Variants in ZNF691 observed in about 807,000 individuals in gnomAD.
ZNF691 encodes zinc finger protein 691.
Under a neutral mutation model 24.1 loss-of-function variants are expected in ZNF691, and 11 were observed. The observed-to-expected ratio is 0.46, with a 90% CI of 0.29 to 0.75. The LOEUF (loss-of-function observed/expected upper bound fraction) is 0.75. Among genes scored for constraint, ZNF691 ranks in the 30% least tolerant of loss-of-function variants. The pLI, the probability that ZNF691 is intolerant of heterozygous loss-of-function variation, is 0.11. For missense variants in ZNF691, 356 were observed against 409.0 expected, an observed-to-expected ratio of 0.87 and a Z score of 1.12; for synonymous variants, 149 against 153.9, an observed-to-expected ratio of 0.97 and a Z score of 0.23.
At chr1:42,850,434 A>G (rs558277928) in intron 3 of ZNF691, 1 of 985,380 alleles carries the variant, frequency 1.0e-6, no homozygotes, top group South Asian at 4.7e-5. Flanking sequence ...AGAAAAGCCA[A>G]AGCTGGGCCT....
At position 42,851,717 on chromosome 1, in the gene ZNF691, G is replaced by T; in HGVS notation, c.852G>T (p.Arg284=). 6.2e-7 allele frequency: 1 copy of T among 1,614,228 alleles called. No individual in the cohort carries two copies. The highest frequency in any genetic ancestry group is 8.5e-7 in the Non-Finnish European group (1 of 1,180,048). The change falls in exon 4 of 4, where the codon CGG becomes CGT. Residue 284 remains arginine, a synonymous_variant. Coordinates refer to ENST00000651192, the MANE Select transcript of ZNF691 (RefSeq NM_001242739.2). The surrounding 1 kb of genome is among the most constrained non-coding windows in gnomAD (Gnocchi z 4.7). ...QRTHRGEKPY[R]CTVCGKHFSR... ...CCCACAGAGGGGAGAAGCCCTACCG[G>T]TGCACTGTGTGTGGGAAACACTTCT...
At chr1:42,849,531 AC>A (rs1655322873) in intron 2 of ZNF691, 33 bp from the exon 3 acceptor site, 1 of 761,566 alleles carries the variant, frequency 1.3e-6, no homozygotes. Flanking sequence ...TGTAGTCAGT[AC>A]CCCTTTCTTT....
rs1412452331 is a variant in ZNF691, at chr1:42,851,014, G to C, written c.149G>C (p.Gly50Ala). 2.6e-6 allele frequency: 4 copies of C among 1,554,614 alleles called. No homozygotes were observed. Among genetic ancestry groups the C allele is most frequent in the African/African-American group, 1.4e-5 (1 of 72,944 alleles). The change falls in exon 4 of 4, where the codon GGG becomes GCG. Residue 50 changes from glycine to alanine, a missense_variant. Coordinates refer to ENST00000651192, the MANE Select transcript of ZNF691 (RefSeq NM_001242739.2). This position sits in a 1 kb window ranked among gnomAD's most constrained non-coding sequence, Gnocchi z 4.7. ...CCACACCTGCCTGAGGAAGGGGAAG[G>C]GGGTAAGCCTTGGAGAGTGGATGAC... Reference protein sequence around the residue: ...PEPHLPEEGEGGKPWRVDDSE... With the variant: ...PEPHLPEEGEAGKPWRVDDSE...
Position 42,851,336 on chromosome 1 carries a change from C to G in ZNF691, c.471C>G (p.Asn157Lys). The change falls in exon 4 of 4, where the codon AAC becomes AAG. Residue 157 changes from asparagine to lysine, a missense_variant. Coordinates refer to ENST00000651192, the MANE Select transcript of ZNF691 (RefSeq NM_001242739.2). This position sits in a 1 kb window ranked among gnomAD's most constrained non-coding sequence, Gnocchi z 4.7. ...GCAAGAGCTTCTCGAGAAGCTCCAA[C>G]CGCATCCGGCACGAGCGGATCCACC... ...ECGKSFSRSS[N>K]RIRHERIHLE... 6.2e-7 allele frequency: 1 copy of G among 1,613,990 alleles called. No homozygotes were observed. Among genetic ancestry groups the G allele is most frequent in the Non-Finnish European group, 8.5e-7 (1 of 1,180,000 alleles).
intron 3 of ZNF691, 124 bp downstream of exon 3, chr1:42,849,866 T>C: frequency 1.2e-6 from 1 of 813,202 alleles, no homozygotes; most frequent in South Asian, 1.5e-5. Context: ...CTTATGTGTT[T>C]AGTTTTGGGG....
rs182284156 is a variant in ZNF691 at position 42,849,196 on chromosome 1, T to C, written c.-217-95T>C. ...TTGAGGTTCTGTCTGTATTTCACAT[T>C]TTAGAAGGTTATATACAGTTTTATG... is the stretch of plus-strand genomic sequence containing the variant. On this transcript the variant is annotated intron_variant, in intron 1 of 3. Coordinates refer to ENST00000651192, the MANE Select transcript of ZNF691 (RefSeq NM_001242739.2). 98 of 318,278 alleles carry C rather than the reference T, an allele frequency of 3.1e-4. 1 individual carries two copies. The highest frequency in any genetic ancestry group is 1.9e-3 in the African/African-American group (88 of 46,112). 19.7% of individuals were successfully genotyped at this position (318,278 alleles called of 1,614,324 possible).
chr1:42,852,124 C>A lies in ZNF691; in HGVS notation c.*311C>A, dbSNP rs545993812. 56 of 466,022 alleles carry A rather than the reference C, an allele frequency of 1.2e-4. No homozygotes were observed. The Admixed American group carries it at 1.7e-3, about 14-fold the overall frequency. The allele number at this position is 466,022 out of a possible 1,614,324, so 28.9% of individuals were successfully genotyped here. A position where few individuals can be genotyped will look rare whatever the true frequency, so the allele number is the denominator to read the frequency against. ...ATGCTCATGTTATTAAGGCAGCAGT[C>A]CCCCTGGCCTTTGAGGAAGTACTTA... is the stretch of plus-strand genomic sequence containing the variant. On this transcript the variant is annotated 3_prime_UTR_variant, in exon 4 of 4. Coordinates refer to ENST00000651192, the MANE Select transcript of ZNF691 (RefSeq NM_001242739.2).
Position 42,851,898 on chromosome 1 carries a change from C to G in ZNF691, c.*85C>G. The G allele has an allele frequency of 6.4e-7, 1 of 1,571,200 alleles. No individual in the cohort carries two copies. Among genetic ancestry groups the G allele is most frequent in the Non-Finnish European group, 8.7e-7 (1 of 1,155,816 alleles). ...GATCTTCAGCATCTTTTGCTGCTAC[C>G]TTGACCTCAAGCCCTTCATCCCACT... On this transcript the variant is annotated 3_prime_UTR_variant, in exon 4 of 4. Transcript: ENST00000651192. This position sits in a 1 kb window ranked among gnomAD's most constrained non-coding sequence, Gnocchi z 4.7.
At position 42,851,073 on chromosome 1, in the gene ZNF691, G is replaced by C. The variant is rs1286789913; in HGVS notation, c.208G>C (p.Glu70Gln). 6.2e-7 allele frequency: 1 copy of C among 1,606,336 alleles called. No homozygotes were observed. The highest frequency in any genetic ancestry group is 1.1e-5 in the South Asian group (1 of 89,950). The stretch of plus-strand genomic sequence containing the variant: ...TTCTTGGATCCCACCTGGGGAGAAG[G>C]AGCATGGGCAAGAGAGCCTGTCGGA... The part of the protein sequence containing the change: ...EGSWIPPGEK[E>Q]HGQESLSDEL... The change falls in exon 4 of 4, where the codon GAG (glutamate) becomes CAG (glutamine). Residue 70 changes from glutamate (E) to glutamine (Q), a missense_variant. Coordinates refer to ENST00000651192, the MANE Select transcript of ZNF691 (RefSeq NM_001242739.2). The surrounding 1 kb of genome is among the most constrained non-coding windows in gnomAD (Gnocchi z 4.7).
chr1:42,849,998 T>G (rs564870745), intron 3 of ZNF691, among the ~76,000 whole-genome samples: 2 of 151,638 alleles, frequency 1.3e-5, no homozygotes, highest in Non-Finnish European at 2.9e-5. Context: ...TATGTAGCTA[T>G]ATATGTGTGT....
rs1209799996 is a variant in ZNF691, at chr1:42,852,286, CCTT to C, written c.*476_*478del. ...TAGATCTCTGGGGTGGGAGGAGTGACCTTCTCAATGGAAGGGGCCTCCTTGGTC... is the reference window on the plus strand; with the variant it reads ...TAGATCTCTGGGGTGGGAGGAGTGACCTCAATGGAAGGGGCCTCCTTGGTC... On this transcript the variant is annotated 3_prime_UTR_variant, in exon 4 of 4. Coordinates refer to ENST00000651192, the MANE Select transcript of ZNF691 (RefSeq NM_001242739.2). 2.3e-5 allele frequency: 6 copies of C among 263,344 alleles called. No homozygotes were observed. The East Asian group carries it at 6.2e-4, about 27-fold the overall frequency. The allele number at this position is 263,344 out of a possible 1,614,324, so 16.3% of individuals were successfully genotyped here. A position where few individuals can be genotyped will look rare whatever the true frequency, so the allele number is the denominator to read the frequency against.
chr1:42,850,669 A>C, intron 3 of ZNF691: 2 of 1,550,538 alleles, frequency 1.3e-6, no homozygotes, highest in Non-Finnish European at 1.7e-6. Flanking sequence ...TGGTTTCAAG[A>C]AGAGTGACAT....
At chr1:42,849,132 T>C (rs1655312227) in intron 1 of ZNF691, among the ~76,000 whole-genome samples, 159 bp from the exon 2 acceptor site, 1 of 152,210 alleles carries the variant, frequency 6.6e-6, no homozygotes, top group Admixed American at 6.5e-5. Flanking sequence ...TATCTGGCCC[T>C]TTACAGAAAA....
In ZNF691 at chr1:42,851,794, C is replaced by G; in HGVS notation, c.929C>G (p.Ala310Gly). The change falls in exon 4 of 4, where the codon GCT (alanine) becomes GGT (glycine). Residue 310 changes from alanine to glycine, a missense_variant. Coordinates refer to ENST00000651192, the MANE Select transcript of ZNF691 (RefSeq NM_001242739.2). The surrounding 1 kb of genome is among the most constrained non-coding windows in gnomAD (Gnocchi z 4.7). ...RHQKTHLGEQAGKDSS is the reference protein window; with the variant it reads ...RHQKTHLGEQGGKDSS Reference sequence around the variant, plus strand: ...CAGAAAACTCACTTGGGCGAACAGGCTGGGAAAGATTCCAGCTGAAGGAGA... The same window carrying G: ...CAGAAAACTCACTTGGGCGAACAGGGTGGGAAAGATTCCAGCTGAAGGAGA... The G allele has an allele frequency of 6.2e-7, 1 of 1,614,052 alleles. No individual in the cohort carries two copies. The highest frequency in any genetic ancestry group is 8.5e-7 in the Non-Finnish European group (1 of 1,179,910).
chr1:42,851,875 T>A lies in ZNF691; in HGVS notation c.*62T>A. 1 of 1,600,242 alleles carries A rather than the reference T, an allele frequency of 6.2e-7. No individual in the cohort carries two copies. The highest frequency in any genetic ancestry group is 2.3e-5 in the East Asian group (1 of 44,274). On this transcript the variant is annotated 3_prime_UTR_variant, in exon 4 of 4. Transcript: ENST00000651192. The surrounding 1 kb of genome is among the most constrained non-coding windows in gnomAD (Gnocchi z 4.7). ...GAGACCCTAACCTATTGGAGGAAGATCTTCAGCATCTTTTGCTGCTACCTT... is the reference window on the plus strand; with the variant it reads ...GAGACCCTAACCTATTGGAGGAAGAACTTCAGCATCTTTTGCTGCTACCTT...
chr1:42,851,406 C>T lies in ZNF691; in HGVS notation c.541C>T (p.Arg181Trp), dbSNP rs370853653. The T allele has an allele frequency of 1.4e-5, 22 of 1,614,142 alleles. No individual in the cohort carries two copies. The highest frequency in any genetic ancestry group is 2.2e-5 in the East Asian group (1 of 44,878). Residue 181 changes from arginine to tryptophan, a missense_variant, in exon 4 of 4, where the codon CGG becomes TGG. By Grantham distance (101) the Arg-to-Trp change is moderately radical. Transcript: ENST00000651192. The surrounding 1 kb of genome is among the most constrained non-coding windows in gnomAD (Gnocchi z 4.7). ...ATGCCCCAAGTGCCAGGAGAGCTTTCGGCGGCGCTCAGACCTCACCACGCA... is the reference window on the plus strand; with the variant it reads ...ATGCCCCAAGTGCCAGGAGAGCTTTTGGCGGCGCTCAGACCTCACCACGCA... ...YKCPKCQESF[R>W]RRSDLTTHQQ...
chr1:42,849,788 C>T (rs1177007270), intron 3 of ZNF691, 46 bp downstream of exon 3: 1 of 1,470,834 alleles, frequency 6.8e-7, no homozygotes, highest in Non-Finnish European at 9.3e-7. Flanking sequence ...TGTAGGAACC[C>T]AAAGGAGTCT....
intron 3 of ZNF691, chr1:42,850,412 G>A: frequency 1.0e-6 from 1 of 985,340 alleles, no homozygotes; most frequent in Non-Finnish European, 1.2e-6. Context: ...GGGTAGAGTG[G>A]CAGAAATCTC....
chr1:42,852,251 A>C lies in ZNF691; in HGVS notation c.*438A>C, dbSNP rs1054113707. 1 of 300,290 alleles carries C rather than the reference A, an allele frequency of 3.3e-6. No individual in the cohort carries two copies. Among genetic ancestry groups the C allele is most frequent in the South Asian group, 3.4e-5 (1 of 29,068 alleles). 18.6% of individuals were successfully genotyped at this position (300,290 alleles called of 1,614,324 possible). A position where few individuals can be genotyped will look rare whatever the true frequency, so the allele number is the denominator to read the frequency against. On this transcript the variant is annotated 3_prime_UTR_variant, in exon 4 of 4. Transcript: ENST00000651192. ...GCTAGTTCCCACCTGTTGTGCCCCA[A>C]CTTTGCTTCTAGATCTCTGGGGTGG...
Sources: allele counts gnomAD v4.1 joint callset (sites outside exome capture counted in the v4.1 genomes callset), GRCh38; gene constraint gnomAD v4.1.1; non-coding constraint Gnocchi (gnomAD v3.1); transcripts MANE v1.5; gene names NCBI Gene and HGNC (gene_info 2026-07-23, HGNC 2026-07-21).